TULP3: variants seen among roughly 807,000 people sequenced by gnomAD.
TULP3 encodes the protein tubby-related protein 3.
In TULP3, 38 loss-of-function variants were observed where a neutral mutation model predicts 50.7. The ratio of observed to expected loss-of-function variants is 0.75; its 90% CI spans 0.58 to 0.98. The LOEUF (loss-of-function observed/expected upper bound fraction) is 0.98. Among genes scored for constraint, TULP3 ranks in the 50% least tolerant of loss-of-function variants. The pLI is 0.00. For missense variants in TULP3, 550 were observed against 568.0 expected (o/e 0.97, Z 0.32); for synonymous variants, 183 against 196.6 (o/e 0.93, Z 0.58).
intron 9 of TULP3, 34 bp from the exon 10 acceptor site, chr12:2,938,080 C>T: frequency 8.7e-6 from 14 of 1,611,250 alleles, no homozygotes; most frequent in East Asian, 2.2e-5. Flanking sequence ...AGTTGGAGTT[C>T]TCAGTACAAA....
intron 10 of TULP3, among the ~76,000 whole-genome samples, chr12:2,938,534 G>A (rs976714966): frequency 6.6e-6 from 1 of 152,148 alleles, no homozygotes; most frequent in African/African-American, 2.4e-5. Flanking sequence ...CATGGCTCAC[G>A]TCTGTAATCC....
intron 1 of TULP3, among the ~76,000 whole-genome samples, chr12:2,893,521 A>T (rs1448984075): frequency 6.6e-6 from 1 of 151,572 alleles, no homozygotes; most frequent in Admixed American, 6.6e-5. Context: ...GGGTTTCTCC[A>T]TGTTGGTCAG....
At position 2,903,519 on chromosome 12, in the gene TULP3, G is replaced by A. The variant is rs190405248; in HGVS notation, c.42-6010G>A. Among the ~76,000 whole-genome samples, 1,066 of 149,078 alleles carry A rather than the reference G, an allele frequency of 7.2e-3. 12 individuals are homozygous for A. Among genetic ancestry groups the A allele is most frequent in the Middle Eastern group, 0.017 (5 of 288 alleles). ...GGAGGTTGCGGCGAGCCAAGATCAC[G>A]CCACTGCACTGCAGCCTGGGCAACA... is the stretch of plus-strand genomic sequence containing the variant. On this transcript the variant is annotated intron_variant, in intron 1 of 10. Transcript: ENST00000448120.
intron 1 of TULP3, among the ~76,000 whole-genome samples, chr12:2,894,718 A>G (rs2098174458): frequency 1.3e-5 from 2 of 152,088 alleles, no homozygotes. Flanking sequence ...ACATGGCGAA[A>G]CCCTGTCTCT....
At chr12:2,919,889 C>A (rs2098190723) in intron 2 of TULP3, among the ~76,000 whole-genome samples, 1 of 151,290 alleles carries the variant, frequency 6.6e-6, no homozygotes, top group Admixed American at 6.6e-5. Flanking sequence ...TTCTTCTCAC[C>A]CTTGATCCAA....
At chr12:2,904,358 G>C (rs1028907635) in intron 1 of TULP3, among the ~76,000 whole-genome samples, 2 of 152,102 alleles carry the variant, frequency 1.3e-5, no homozygotes, top group Non-Finnish European at 2.9e-5. Context: ...ATCTATCTGA[G>C]ATGGAATCTC....
chr12:2,914,491 A>G (rs539887076), intron 2 of TULP3, among the ~76,000 whole-genome samples: 35 of 152,326 alleles, frequency 2.3e-4, no homozygotes, highest in African/African-American at 8.2e-4. Context: ...TCTTCTGTCT[A>G]ACTGTATGTT....
At chr12:2,922,449 T>C (rs761206506) in intron 4 of TULP3, 47 bp downstream of exon 4, 1 of 1,583,730 alleles carries the variant, frequency 6.3e-7, no homozygotes, top group African/African-American at 1.4e-5. Context: ...CTTACTCAAT[T>C]GTAATCTTTT....
intron 2 of TULP3, among the ~76,000 whole-genome samples, chr12:2,913,565 A>C (rs1404265802): frequency 6.6e-6 from 1 of 150,626 alleles, no homozygotes; most frequent in Non-Finnish European, 1.5e-5. Flanking sequence ...TGCCTGGTCA[A>C]GTTTTATAGT....
At chr12:2,909,399 G>A in intron 1 of TULP3, 130 bp from the exon 2 acceptor site, 1 of 797,790 alleles carries the variant, frequency 1.3e-6, no homozygotes, top group Non-Finnish European at 1.9e-6. Context: ...GTAGCCTCTA[G>A]AAGCTGATGC....
intron 2 of TULP3, among the ~76,000 whole-genome samples, chr12:2,917,801 C>T (rs1299308300): frequency 1.2e-4 from 18 of 151,578 alleles, no homozygotes; most frequent in Admixed American, 6.6e-4. Context: ...GGCGTGAACC[C>T]GGGAGGCGGA....
At chr12:2,929,193 TGTA>T (rs938171449) in intron 4 of TULP3, among the ~76,000 whole-genome samples, 5 of 151,940 alleles carry the variant, frequency 3.3e-5, no homozygotes, top group Admixed American at 2.6e-4. Flanking sequence ...GGCGCGCGCC[TGTA>T]GTCCCAGCTA....
At chr12:2,893,344 T>TTTTC (rs1555110457) in intron 1 of TULP3, among the ~76,000 whole-genome samples, 2 of 151,006 alleles carry the variant, frequency 1.3e-5, no homozygotes, top group Admixed American at 6.6e-5. Context: ...TTTTTTTTTT[T>TTTTC]CCAAACGGAG....
At chr12:2,892,511 T>G (rs2098172766) in intron 1 of TULP3, among the ~76,000 whole-genome samples, 1 of 152,036 alleles carries the variant, frequency 6.6e-6, no homozygotes, top group Admixed American at 6.6e-5. Flanking sequence ...CAAGAGGCTT[T>G]TCCTTCCTTT....
intron 2 of TULP3, among the ~76,000 whole-genome samples, chr12:2,918,546 A>G (rs2098189976): frequency 6.6e-6 from 1 of 151,668 alleles, no homozygotes; most frequent in Admixed American, 6.6e-5. Context: ...CAGGCAAGTT[A>G]CTTTTTTTTT....
At chr12:2,904,933 C>T (rs537829552) in intron 1 of TULP3, among the ~76,000 whole-genome samples, 27 of 151,866 alleles carry the variant, frequency 1.8e-4, no homozygotes, top group African/African-American at 6.0e-4. Flanking sequence ...GGCGAAACCC[C>T]GTCTCCACTA....
chr12:2,892,547 C>T (rs543923728), intron 1 of TULP3, among the ~76,000 whole-genome samples: 2 of 151,906 alleles, frequency 1.3e-5, no homozygotes, highest in Non-Finnish European at 2.9e-5. Flanking sequence ...GAGTCTCTCT[C>T]TGTCGCCAGG....
chr12:2,937,260 A>G (rs565982417), intron 8 of TULP3, among the ~76,000 whole-genome samples: 1 of 106,580 alleles, frequency 9.4e-6, no homozygotes, highest in South Asian at 3.6e-4. Context: ...CTTGTCGCCC[A>G]GGCTGGAGTG....
chr12:2,940,415 T>C lies in TULP3; in HGVS notation c.*971T>C. The C allele has an allele frequency of 6.8e-7, 1 of 1,463,182 alleles. No homozygotes were observed. Among genetic ancestry groups the C allele is most frequent in the South Asian group, 1.4e-5 (1 of 69,720 alleles). The allele number at this position is 1,463,182 out of a possible 1,614,324, so 90.6% of individuals were successfully genotyped here. ...GGCCCGTGTGGCAGAGCTGTGGACT[T>C]TCTTCTCGGCTCCCTCAACCCTGGC... is the stretch of plus-strand genomic sequence containing the variant. On this transcript the variant is annotated 3_prime_UTR_variant, in exon 11 of 11. Transcript: ENST00000448120.
Sources: gnomAD v4.1 joint callset for allele counts (sites outside exome capture counted in the v4.1 genomes callset) on GRCh38, gnomAD v4.1.1 for gene constraint, MANE v1.5 for transcripts, NCBI Gene and HGNC (gene_info 2026-07-23, HGNC 2026-07-21) for gene names.